Variants in PCNX2 observed in about 807,000 individuals in gnomAD.
The protein encoded by PCNX2 is pecanex-like protein 2.
PCNX2 carries 168 observed loss-of-function variants against 223.8 expected under a neutral mutation model. That is an observed-to-expected ratio of 0.75 (90% CI 0.66 to 0.85). The LOEUF (loss-of-function observed/expected upper bound fraction) is 0.85. PCNX2 is among the 40% of genes least tolerant of loss of function. The pLI, the probability that PCNX2 is intolerant of heterozygous loss-of-function variation, is 0.00. For synonymous variants in PCNX2, 1,006 were observed against 1,052.6 expected, an observed-to-expected ratio of 0.96 and a Z score of 0.86; for missense variants, 2,507 against 2,675.5, an observed-to-expected ratio of 0.94 and a Z score of 1.39.
rs184693885 is a variant in PCNX2, at chr1:233,065,964, G to A, written c.4077-8674C>T. ...TAGATAAAGTCCCCAACTGCAGTGAGAACTTCCTCCATGCCTTTCAGCCAA... is the reference window on the plus strand; with the variant it reads ...TAGATAAAGTCCCCAACTGCAGTGAAAACTTCCTCCATGCCTTTCAGCCAA... On this transcript the variant is annotated intron_variant, in intron 23 of 33. Coordinates refer to ENST00000258229, the MANE Select transcript of PCNX2 (RefSeq NM_014801.4). Among the ~76,000 whole-genome samples, 365 of 152,302 alleles carry A rather than the reference G, an allele frequency of 2.4e-3. 1 individual carries two copies. The highest frequency in any genetic ancestry group is 3.1e-3 in the Admixed American group (47 of 15,300).
chr1:233,107,104 A>T (rs1674838488), intron 21 of PCNX2, among the ~76,000 whole-genome samples: 1 of 152,082 alleles, frequency 6.6e-6, no homozygotes, highest in African/African-American at 2.4e-5. Context: ...CTTTACTCTG[A>T]CCTAACTTCC....
Position 233,236,865 on chromosome 1 carries a change from T to C in PCNX2, c.2338A>G (p.Thr780Ala). The change falls in exon 9 of 34, where the codon ACC becomes GCC. Residue 780 changes from threonine to alanine, a missense_variant. By Grantham distance (58) the Thr-to-Ala change is moderately conservative (BLOSUM62 0). Coordinates refer to ENST00000258229, the MANE Select transcript of PCNX2 (RefSeq NM_014801.4). ...CGTACCCGTGGGGTTTCCGACTGGG[T>C]CCTGCGAGCCACCATCAGTAACAGC... ...QQLLLMVARRTQSETPRHVSQ... is the reference protein window; with the variant it reads ...QQLLLMVARRAQSETPRHVSQ... 3.1e-6 allele frequency: 5 copies of C among 1,613,826 alleles called. No individual in the cohort carries two copies. Among genetic ancestry groups the C allele is most frequent in the Non-Finnish European group, 4.2e-6 (5 of 1,179,832 alleles).
chr1:233,161,304 T>C lies in PCNX2; in HGVS notation c.3333A>G (p.Ala1111=), dbSNP rs1238797936. Residue 1111 remains alanine, a synonymous_variant, in exon 18 of 34, where the codon GCA becomes GCG. Coordinates refer to ENST00000258229, the MANE Select transcript of PCNX2 (RefSeq NM_014801.4). ...VCAVVAVLSF[A]VSASTVFLSL... Reference sequence around the variant, plus strand: ...ACAGGAATACAGTGCTGGCGCTGACTGCAAATGAGAGGACAGCAACCACTG... The same window carrying C: ...ACAGGAATACAGTGCTGGCGCTGACCGCAAATGAGAGGACAGCAACCACTG... 2.5e-6 allele frequency: 4 copies of C among 1,613,814 alleles called. No homozygotes were observed. Among genetic ancestry groups the C allele is most frequent in the Non-Finnish European group, 3.4e-6 (4 of 1,179,862 alleles).
intron 15 of PCNX2, among the ~76,000 whole-genome samples, chr1:233,194,893 T>C (rs1254999841): frequency 6.6e-6 from 1 of 151,802 alleles, no homozygotes; most frequent in East Asian, 1.9e-4. Flanking sequence ...GGTGGGCTCC[T>C]GTAGTCCCAG....
chr1:233,181,574 T>C (rs1372982422), intron 15 of PCNX2, among the ~76,000 whole-genome samples: 2 of 152,170 alleles, frequency 1.3e-5, no homozygotes, highest in Non-Finnish European at 2.9e-5. Flanking sequence ...ACTGTACTCT[T>C]AGTCTGTTCG....
the PCNX2 span, among the ~76,000 whole-genome samples, chr1:233,318,324 C>T: frequency 3.3e-5 from 5 of 152,242 alleles, no homozygotes; most frequent in African/African-American, 9.6e-5. Context: ...CCTCACCCCT[C>T]CCTTTAACCG....
intron 28 of PCNX2, among the ~76,000 whole-genome samples, chr1:233,012,518 T>C (rs1361238817): frequency 6.6e-6 from 1 of 152,196 alleles, no homozygotes; most frequent in Admixed American, 6.5e-5. Flanking sequence ...TCCCAAATAG[T>C]CAAGTGTTTC....
At chr1:233,089,930 G>C in intron 23 of PCNX2, 131 bp downstream of exon 23, 1 of 1,488,832 alleles carries the variant, frequency 6.7e-7, no homozygotes, top group Non-Finnish European at 8.9e-7. Flanking sequence ...GTCATCAAGA[G>C]AGACAGGTTT....
intron 10 of PCNX2, among the ~76,000 whole-genome samples, chr1:233,223,665 A>G (rs1657527744): frequency 6.6e-6 from 1 of 151,848 alleles, no homozygotes; most frequent in Non-Finnish European, 1.5e-5. Context: ...CTCTGTGTCC[A>G]TGTGTTCTCA....
In PCNX2 at chr1:232,984,290, C is replaced by G. The variant is rs1393069058; in HGVS notation, c.*14G>C. Reference sequence around the variant, plus strand: ...GTGTGGGGGAGCCAGCCTCCCCGCCCGGCCGCACGCCCGTCACTGCTCGTC... The same window carrying G: ...GTGTGGGGGAGCCAGCCTCCCCGCCGGGCCGCACGCCCGTCACTGCTCGTC... On this transcript the variant is annotated 3_prime_UTR_variant, in exon 34 of 34. Transcript: ENST00000258229. 6.3e-7 allele frequency: 1 copy of G among 1,580,908 alleles called. No homozygotes were observed. Among genetic ancestry groups the G allele is most frequent in the Non-Finnish European group, 8.6e-7 (1 of 1,163,308 alleles).
In PCNX2 at chr1:233,289,238, T is replaced by C. The variant is rs1661621932; in HGVS notation, c.153+6088A>G. 7.5e-6 allele frequency: 7 copies of C among 933,736 alleles called. No homozygotes were observed. The South Asian group carries it at 9.0e-5, about 12-fold the overall frequency. 57.8% of individuals were successfully genotyped at this position (933,736 alleles called of 1,614,324 possible). ...GCCGGACTTGGATTTTCTGGAAAGATTTCAGTTGAGGAACGGGAACAAAGA... is the reference window on the plus strand; with the variant it reads ...GCCGGACTTGGATTTTCTGGAAAGACTTCAGTTGAGGAACGGGAACAAAGA... On this transcript the variant is annotated intron_variant, in intron 1 of 33. Coordinates refer to ENST00000258229, the MANE Select transcript of PCNX2 (RefSeq NM_014801.4).
At chr1:233,151,549 T>C (rs1677809162) in intron 19 of PCNX2, among the ~76,000 whole-genome samples, 1 of 152,236 alleles carries the variant, frequency 6.6e-6, no homozygotes, top group African/African-American at 2.4e-5. Flanking sequence ...GCATTAGGTT[T>C]ATCAGCAATT....
chr1:233,210,647 T>C (rs1572084132), intron 12 of PCNX2: 2 of 985,378 alleles, frequency 2.0e-6, no homozygotes, highest in Non-Finnish European at 2.4e-6. Flanking sequence ...CAATTCCTAC[T>C]GCCACATATG....
chr1:233,157,119 G>C (rs1387069764), intron 19 of PCNX2, among the ~76,000 whole-genome samples: 2 of 152,308 alleles, frequency 1.3e-5, no homozygotes, highest in East Asian at 3.9e-4. Flanking sequence ...GTTAGCATGA[G>C]AAGATGGCAT....
chr1:233,146,670 A>C (rs1452116670), intron 19 of PCNX2, among the ~76,000 whole-genome samples: 1 of 152,226 alleles, frequency 6.6e-6, no homozygotes, highest in African/African-American at 2.4e-5. Flanking sequence ...TGCAAAAAAA[A>C]TGTAAATGAA....
intron 26 of PCNX2, among the ~76,000 whole-genome samples, chr1:233,017,532 G>A (rs569551550): frequency 2.6e-5 from 4 of 151,954 alleles, no homozygotes; most frequent in Non-Finnish European, 4.4e-5. Context: ...TAGCCAGGAT[G>A]GTCTCGATCT....
At chr1:233,124,099 T>C (rs1423751034) in intron 21 of PCNX2, among the ~76,000 whole-genome samples, 1 of 152,236 alleles carries the variant, frequency 6.6e-6, no homozygotes, top group Admixed American at 6.5e-5. Flanking sequence ...CTCCTCATTC[T>C]CATTCTCGTT....
At chr1:233,054,846 T>G (rs1300964995) in intron 24 of PCNX2, among the ~76,000 whole-genome samples, 1 of 152,152 alleles carries the variant, frequency 6.6e-6, no homozygotes, top group Non-Finnish European at 1.5e-5. Context: ...GTTCTTAAAC[T>G]ATATATAAAT....
rs765237678 is a variant in PCNX2, at chr1:233,000,321, C to A, written c.5312G>T (p.Ser1771Ile). 13 of 1,613,864 alleles carry A rather than the reference C, an allele frequency of 8.1e-6. No homozygotes were observed. The change falls in exon 30 of 34, where the codon AGC becomes ATC. Residue 1771 changes from serine to isoleucine, a missense_variant. Ser to Ile is a moderately radical substitution (Grantham distance 142). This residue lies in a region of PCNX2 where 1,372 missense variants were observed against 1,509.4 expected (regional missense o/e 0.91). Coordinates refer to ENST00000258229, the MANE Select transcript of PCNX2 (RefSeq NM_014801.4). The surrounding 1 kb of genome is among the most constrained non-coding windows in gnomAD (Gnocchi z 4.6). Reference sequence around the variant, plus strand: ...CCGCCATACCTTGATCACCTTGAAGCTCAGGAAGCTTCTGTGGAGCATGAT... The same window carrying A: ...CCGCCATACCTTGATCACCTTGAAGATCAGGAAGCTTCTGTGGAGCATGAT... ...KVIMLHRSFL[S>I]FKVIKVNKEC...
Sources: gnomAD v4.1 joint callset for allele counts (sites outside exome capture counted in the v4.1 genomes callset) on GRCh38, gnomAD v4.1.1 for gene constraint, gnomAD v4.1.1 regional missense constraint, Gnocchi (gnomAD v3.1) non-coding constraint, MANE v1.5 for transcripts, NCBI Gene and HGNC (gene_info 2026-07-23, HGNC 2026-07-21) for gene names.